The following MYB variants were observed in gnomAD, a reference collection of about 807,000 sequenced individuals.
The protein encoded by MYB is transcriptional activator Myb.
In MYB, 28 loss-of-function variants were observed where a neutral mutation model predicts 92.9. The observed-to-expected ratio is 0.30, with a 90% confidence interval of 0.22 to 0.41. The LOEUF is 0.41. Ranked by LOEUF, MYB falls within the 10% of genes least tolerant of loss-of-function variation. The pLI is 1.00. For missense variants in MYB, 679 were observed against 929.3 expected, an observed-to-expected ratio of 0.73 and a Z score of 3.50; for synonymous variants, 295 against 329.1, an observed-to-expected ratio of 0.90 and a Z score of 1.12.
chr6:135,196,273 C>T (rs1467885404), intron 9 of MYB, among the ~76,000 whole-genome samples: 1 of 151,770 alleles, frequency 6.6e-6, no homozygotes, highest in Non-Finnish European at 1.5e-5. Context: ...CTTCAAAAGT[C>T]ATATTTTTAA....
At chr6:135,209,833 A>G (rs1263510259) in intron 15 of MYB, among the ~76,000 whole-genome samples, 1 of 152,256 alleles carries the variant, frequency 6.6e-6, no homozygotes, top group South Asian at 2.1e-4. Flanking sequence ...GGCTCAGAAT[A>G]TATGAGATTT....
chr6:135,206,270 T>TA (rs538285525), intron 15 of MYB, among the ~76,000 whole-genome samples: 22 of 148,056 alleles, frequency 1.5e-4, no homozygotes, highest in Non-Finnish European at 3.0e-4. Context: ...TAGTGGTACA[T>TA]ACCTGTAATC....
At chr6:135,204,445 T>G (rs888711517) in intron 15 of MYB, among the ~76,000 whole-genome samples, 2 of 152,122 alleles carry the variant, frequency 1.3e-5, no homozygotes, top group Non-Finnish European at 2.9e-5. Context: ...ATTACAGGTG[T>G]GAGCCACCGG....
At chr6:135,208,331 C>A (rs1442217487) in intron 15 of MYB, among the ~76,000 whole-genome samples, 1 of 151,714 alleles carries the variant, frequency 6.6e-6, no homozygotes, top group African/African-American at 2.4e-5. Flanking sequence ...CCCGCCTTGG[C>A]CTACCAAAGT....
chr6:135,183,231 T>A (rs887799870), intron 1 of MYB, among the ~76,000 whole-genome samples: 6 of 152,092 alleles, frequency 3.9e-5, no homozygotes, highest in African/African-American at 1.4e-4. Context: ...GAAACCCGAC[T>A]GCGGGCTCGG....
rs376614277 is a variant in MYB at position 135,201,669 on chromosome 6, T to A, written c.1981T>A (p.Phe661Ile). The change falls in exon 14 of 16, where the codon TTC (phenylalanine) becomes ATC (isoleucine). Residue 661 changes from phenylalanine to isoleucine, a missense_variant. Phe to Ile is a conservative substitution (Grantham distance 21). Around this residue, in one of 8 missense-constraint regions of MYB, gnomAD observed 402 missense variants for 434.2 expected, o/e 0.93. Coordinates refer to ENST00000341911, the MANE Select transcript of MYB (RefSeq NM_001130173.2). ...ATCTCCAACTGATAAATCAGGAAAC[T>A]TCTTCTGCTCACACCACTGGGAAGG... ...VESPTDKSGN[F>I]FCSHHWEGDS... 1.2e-6 allele frequency: 2 copies of A among 1,604,448 alleles called. No homozygotes were observed. Among genetic ancestry groups the A allele is most frequent in the African/African-American group, 1.3e-5 (1 of 74,408 alleles).
intron 15 of MYB, among the ~76,000 whole-genome samples, chr6:135,213,948 T>A (rs1485064029): frequency 4.6e-5 from 7 of 152,162 alleles, no homozygotes; most frequent in Non-Finnish European, 1.0e-4. Flanking sequence ...AAGATTGTTT[T>A]AACATAGCAT....
At chr6:135,213,424 A>T (rs1780014436) in intron 15 of MYB, among the ~76,000 whole-genome samples, 1 of 152,200 alleles carries the variant, frequency 6.6e-6, no homozygotes, top group Non-Finnish European at 1.5e-5. Flanking sequence ...CTGGAGGAAG[A>T]GCTAAATATG....
chr6:135,183,102 G>C (rs1239939247), intron 1 of MYB, among the ~76,000 whole-genome samples: 1 of 141,742 alleles, frequency 7.1e-6, no homozygotes. Context: ...GCGGCTCCGC[G>C]CCCCGAGGTC....
chr6:135,189,812 C>G lies in MYB; in HGVS notation c.235C>G (p.Gln79Glu), dbSNP rs1222164414. 1 of 1,614,092 alleles carries G rather than the reference C, an allele frequency of 6.2e-7. No individual in the cohort carries two copies. The highest frequency in any genetic ancestry group is 8.5e-7 in the Non-Finnish European group (1 of 1,179,954). The change falls in exon 4 of 16, where the codon CAG becomes GAG. Residue 79 changes from glutamine to glutamate, a missense_variant. Gln to Glu is a conservative substitution (Grantham distance 29). This residue lies in a region of MYB where 88 missense variants were observed against 145.6 expected (regional missense o/e 0.60). Coordinates refer to ENST00000341911, the MANE Select transcript of MYB (RefSeq NM_001130173.2). Reference protein sequence around the residue: ...YLPNRTDVQCQHRWQKVLNPE... With the variant: ...YLPNRTDVQCEHRWQKVLNPE... ...CTAGAATCGAACAGATGTGCAGTGC[C>G]AGCACCGATGGCAGAAAGTACTAAA...
rs933607336 is a variant in MYB, at chr6:135,191,829, G to T, written c.528-495G>T. On this transcript the variant is annotated intron_variant, in intron 5 of 15. Transcript: ENST00000341911. ...CTTTCAAAGAGTAGGAGGTTTTTTG[G>T]TCTCAGAAGTTCTCACTAGTGCTTT... Among the ~76,000 whole-genome samples the T allele has an allele frequency of 3.3e-5, 5 of 152,050 alleles. No individual in the cohort carries two copies. In the East Asian group the frequency reaches 9.6e-4, roughly 29 times the overall value.
At chr6:135,212,224 C>CTTT (rs545704827) in intron 15 of MYB, among the ~76,000 whole-genome samples, 379 of 32,852 alleles carry the variant, frequency 0.012, 15 homozygotes, top group Middle Eastern at 0.091. Context: ...TTTGGTTTTA[C>CTTT]TTTTTTTTTT....
rs1217393675 is a variant in MYB, at chr6:135,203,334, A to G, written c.2169+10A>G. 2 of 1,531,006 alleles carry G rather than the reference A, an allele frequency of 1.3e-6. No individual in the cohort carries two copies. The highest frequency in any genetic ancestry group is 2.3e-5 in the East Asian group (1 of 44,428). The allele number at this position is 1,531,006 out of a possible 1,614,324, so 94.8% of individuals were successfully genotyped here. A position where few individuals can be genotyped will look rare whatever the true frequency, so the allele number is the denominator to read the frequency against. On this transcript the variant is annotated intron_variant, in intron 15 of 15. Transcript: ENST00000341911. ...GGCGAGCCCCTTGCAGGTAATTACTATTCCAACATTGGTATTTTAAAATTC... is the reference window on the plus strand; with the variant it reads ...GGCGAGCCCCTTGCAGGTAATTACTGTTCCAACATTGGTATTTTAAAATTC...
chr6:135,192,729 C>T (rs866962436), intron 6 of MYB, among the ~76,000 whole-genome samples, 171 bp downstream of exon 6: 55 of 152,230 alleles, frequency 3.6e-4, no homozygotes, highest in Middle Eastern at 6.8e-3. Context: ...GTGTGTTACC[C>T]CTGGTTTATG....
intron 8 of MYB, 84 bp from the exon 9 acceptor site, chr6:135,195,664 G>C (rs1777198970): frequency 6.8e-7 from 1 of 1,476,226 alleles, no homozygotes; most frequent in African/African-American, 1.4e-5. Context: ...AACAGCATCT[G>C]ATACCTTGTG....
At chr6:135,201,809 T>C in intron 14 of MYB, 60 bp downstream of exon 14, 2 of 1,026,682 alleles carry the variant, frequency 1.9e-6, no homozygotes, top group Non-Finnish European at 2.7e-6. Context: ...CATGAAATCC[T>C]GTGTGTGGCA....
At chr6:135,214,768 G>A (rs1330947848) in intron 15 of MYB, among the ~76,000 whole-genome samples, 3 of 152,178 alleles carry the variant, frequency 2.0e-5, no homozygotes, top group Non-Finnish European at 4.4e-5. Flanking sequence ...GGTTTCCTGT[G>A]TCAATTTCAT....
At position 135,182,969 on chromosome 6, in the gene MYB, C is replaced by A. The variant is rs1359408124; in HGVS notation, c.23+1433C>A. On this transcript the variant is annotated intron_variant, in intron 1 of 15. Transcript: ENST00000341911. This position sits in a 1 kb window ranked among gnomAD's most constrained non-coding sequence, Gnocchi z 5.6. ...TGCCCCTCGAGGGCTCCACTTTTCGCCTTTAGGACTTCACAGGACAGCTAC... is the reference window on the plus strand; with the variant it reads ...TGCCCCTCGAGGGCTCCACTTTTCGACTTTAGGACTTCACAGGACAGCTAC... Among the ~76,000 whole-genome samples the A allele has an allele frequency of 6.6e-6, 1 of 151,024 alleles. No individual in the cohort carries two copies. Among genetic ancestry groups the A allele is most frequent in the Non-Finnish European group, 1.5e-5 (1 of 67,890 alleles).
At chr6:135,212,870 C>A in intron 15 of MYB, among the ~76,000 whole-genome samples, 1 of 152,222 alleles carries the variant, frequency 6.6e-6, no homozygotes, top group East Asian at 1.9e-4. Context: ...CATTAATCTT[C>A]CTTTGTCAAA....
Sources: gnomAD v4.1 joint callset for allele counts (sites outside exome capture counted in the v4.1 genomes callset) on GRCh38, gnomAD v4.1.1 for gene constraint, gnomAD v4.1.1 regional missense constraint, Gnocchi (gnomAD v3.1) non-coding constraint, MANE v1.5 for transcripts, NCBI Gene and HGNC (gene_info 2026-07-23, HGNC 2026-07-21) for gene names.